The following CSMD1 variants were observed in gnomAD, a reference collection of about 807,000 sequenced individuals.
CSMD1 encodes CUB and sushi domain-containing protein 1.
A neutral mutation model predicts 417.5 loss-of-function variants in CSMD1; 213 were observed. The observed-to-expected ratio is 0.51, with a 90% CI of 0.46 to 0.57. The LOEUF is 0.57. Ranked by LOEUF, CSMD1 falls within the 20% of genes least tolerant of loss-of-function variation. The pLI is 0.00. For synonymous variants in CSMD1, 2,862 were observed against 1,736.8 expected (o/e 1.65, Z -16.11); for missense variants, 6,923 against 4,529.7 (o/e 1.53, Z -15.17).
chr8:4,409,213 T>TG (rs1410023484), intron 3 of CSMD1, among the ~76,000 whole-genome samples: 1 of 152,196 alleles, frequency 6.6e-6, no homozygotes, highest in African/African-American at 2.4e-5. Context: ...GAAATGAATT[T>TG]GATTGATGAA....
chr8:4,791,606 G>T (rs368123188), intron 1 of CSMD1, among the ~76,000 whole-genome samples: 1 of 152,186 alleles, frequency 6.6e-6, no homozygotes, highest in Non-Finnish European at 1.5e-5. Flanking sequence ...ACCTTAAGCA[G>T]CAATGTTACC....
chr8:3,745,938 A>G (rs933907559), intron 6 of CSMD1, among the ~76,000 whole-genome samples: 1 of 152,214 alleles, frequency 6.6e-6, no homozygotes, highest in African/African-American at 2.4e-5. Context: ...GGCCGGGGGG[A>G]AAGGCCAGAC....
intron 3 of CSMD1, among the ~76,000 whole-genome samples, chr8:4,220,362 A>G (rs1213672165): frequency 2.0e-5 from 3 of 152,184 alleles, no homozygotes; most frequent in South Asian, 2.1e-4. Context: ...AAAGAGGACC[A>G]CACCATGAGG....
chr8:4,725,447 T>A (rs1037307370), intron 1 of CSMD1, among the ~76,000 whole-genome samples: 2 of 152,222 alleles, frequency 1.3e-5, no homozygotes, highest in Non-Finnish European at 1.5e-5. Context: ...TCCATTTCTA[T>A]TATTTTCTTA....
chr8:4,519,000 T>C (rs1803279837), intron 2 of CSMD1, among the ~76,000 whole-genome samples: 2 of 152,178 alleles, frequency 1.3e-5, no homozygotes, highest in South Asian at 2.1e-4. Context: ...TTTGCTGCAC[T>C]ACAGTATAAT....
chr8:4,983,329 A>G (rs539770363), intron 1 of CSMD1, among the ~76,000 whole-genome samples: 121 of 152,304 alleles, frequency 7.9e-4, no homozygotes, highest in African/African-American at 2.9e-3. Flanking sequence ...TGAACTCACT[A>G]AAAATAATGG....
intron 1 of CSMD1, among the ~76,000 whole-genome samples, chr8:4,816,185 G>A (rs1319171690): frequency 6.9e-6 from 1 of 144,498 alleles, no homozygotes. Flanking sequence ...AATCACACTT[G>A]TTATTTGCTT....
At chr8:4,029,586 G>C (rs959251496) in intron 4 of CSMD1, among the ~76,000 whole-genome samples, 2 of 152,076 alleles carry the variant, frequency 1.3e-5, no homozygotes, top group Non-Finnish European at 2.9e-5. Flanking sequence ...CCACATGTGA[G>C]AATTGTGGGA....
intron 7 of CSMD1, 141 bp downstream of exon 7, chr8:3,708,273 C>A (rs1297906314): frequency 1.5e-6 from 1 of 671,980 alleles, no homozygotes; most frequent in East Asian, 2.7e-5. Context: ...GTTCTTTCTC[C>A]CAGAAAATAC....
intron 3 of CSMD1, among the ~76,000 whole-genome samples, chr8:4,352,087 C>T (rs117590197): frequency 0.044 from 6,689 of 152,126 alleles, 185 homozygotes; most frequent in Non-Finnish European, 0.067. Context: ...TCTCCTTCTA[C>T]TGCTGGAATA....
intron 8 of CSMD1, among the ~76,000 whole-genome samples, chr8:3,613,591 A>C (rs557766966): frequency 6.6e-6 from 1 of 152,206 alleles, no homozygotes; most frequent in South Asian, 2.1e-4. Context: ...ATGAGTTTTT[A>C]ACTTAGGGAA....
intron 10 of CSMD1, among the ~76,000 whole-genome samples, chr8:3,572,735 A>G (rs971567275): frequency 3.3e-5 from 5 of 152,186 alleles, no homozygotes; most frequent in African/African-American, 1.2e-4. Flanking sequence ...AATCCCTTTA[A>G]TATAAAATAT....
chr8:3,278,266 C>A (rs1802458839), intron 26 of CSMD1: 1 of 152,170 alleles, frequency 6.6e-6, no homozygotes, highest in Non-Finnish European at 1.5e-5. Flanking sequence ...GGTAGTGCAA[C>A]CCTGATGTTA....
chr8:4,923,906 T>G (rs1806672522), intron 1 of CSMD1, among the ~76,000 whole-genome samples: 1 of 152,214 alleles, frequency 6.6e-6, no homozygotes, highest in Admixed American at 6.5e-5. Context: ...TAGGTTTCTT[T>G]GGTTTGGGTT....
chr8:4,621,072 T>C (rs932696976), intron 2 of CSMD1, among the ~76,000 whole-genome samples: 1 of 152,078 alleles, frequency 6.6e-6, no homozygotes, highest in African/African-American at 2.4e-5. Context: ...TGAAGTGGAC[T>C]TAGAATAATA....
At chr8:3,583,241 T>A (rs567507519) in intron 9 of CSMD1, among the ~76,000 whole-genome samples, 1 of 151,968 alleles carries the variant, frequency 6.6e-6, no homozygotes, top group South Asian at 2.1e-4. Flanking sequence ...CTTCTCTGCT[T>A]GAATTTTTAC....
intron 18 of CSMD1, 134 bp from the exon 19 acceptor site, chr8:3,369,504 G>C: frequency 5.0e-6 from 3 of 595,654 alleles, no homozygotes; most frequent in Non-Finnish European, 9.0e-6. Flanking sequence ...AAACCAAGCA[G>C]AACCTGAGCT....
At chr8:3,076,245 T>C (rs1354240625) in intron 49 of CSMD1, among the ~76,000 whole-genome samples, 3 of 96,160 alleles carry the variant, frequency 3.1e-5, no homozygotes, top group African/African-American at 5.0e-5. Context: ...CCTTTGTGTG[T>C]AGACATCATC....
intron 7 of CSMD1, among the ~76,000 whole-genome samples, chr8:3,652,180 AACACCTACCACCTTCAGC>A (rs1797891712): frequency 7.0e-6 from 1 of 142,488 alleles, no homozygotes; most frequent in African/African-American, 2.7e-5. Flanking sequence ...CCACCATCAG[AACACCTACCACCTTCAGC>A]GGGCCTACCA....
Sources: gnomAD v4.1 joint callset for allele counts (sites outside exome capture counted in the v4.1 genomes callset) on GRCh38, gnomAD v4.1.1 for gene constraint, MANE v1.5 for transcripts, NCBI Gene and HGNC (gene_info 2026-07-23, HGNC 2026-07-21) for gene names.